Variants in RYR2 observed in about 807,000 individuals in gnomAD.
RYR2 encodes ryanodine receptor 2.
Under a neutral mutation model 601.1 loss-of-function variants are expected in RYR2, and 227 were observed. The ratio of observed to expected loss-of-function variants is 0.38; its 90% CI spans 0.34 to 0.42. RYR2 has a LOEUF of 0.42. Ranked by LOEUF, RYR2 falls within the 10% of genes least tolerant of loss-of-function variation. The pLI is 1.00. For synonymous variants in RYR2, 2,223 were observed against 2,175.1 expected (o/e 1.02, Z -0.61); for missense variants, 4,646 against 6,156.5 (o/e 0.75, Z 8.21).
chr1:237,564,434 T>G (rs1318016575), intron 27 of RYR2, among the ~76,000 whole-genome samples: 2 of 152,050 alleles, frequency 1.3e-5, no homozygotes, highest in Non-Finnish European at 2.9e-5. Flanking sequence ...CAGGCCCTGA[T>G]GATTTTTGTA....
chr1:237,123,104 G>A (rs1032690758), intron 1 of RYR2, among the ~76,000 whole-genome samples: 1 of 152,160 alleles, frequency 6.6e-6, no homozygotes, highest in Non-Finnish European at 1.5e-5. Context: ...GTCCTTGCTA[G>A]TACAGTGGCT....
chr1:237,335,922 CA>C lies in RYR2; in HGVS notation c.273+4943del, dbSNP rs1216318103. 7.2e-5 allele frequency among the ~76,000 whole-genome samples: 11 copies of C among 152,084 alleles called. No individual in the cohort carries two copies. In the East Asian group the frequency reaches 2.1e-3, roughly 29 times the overall value. On this transcript the variant is annotated intron_variant, in intron 3 of 104. Coordinates refer to ENST00000366574, the MANE Select transcript of RYR2 (RefSeq NM_001035.3). ...GTAATGTTATAAATATTGTGATGAGCAAATAATATTGAAATGAATATTAAAT... is the reference window on the plus strand; with the variant it reads ...GTAATGTTATAAATATTGTGATGAGCAATAATATTGAAATGAATATTAAAT...
At chr1:237,215,152 C>A (rs1260365823) in intron 1 of RYR2, among the ~76,000 whole-genome samples, 3 of 152,190 alleles carry the variant, frequency 2.0e-5, no homozygotes, top group South Asian at 2.1e-4. Context: ...CAGGGTAAAG[C>A]AACCTTGAAA....
intron 58 of RYR2, among the ~76,000 whole-genome samples, chr1:237,672,235 G>A (rs142676004): frequency 1.6e-3 from 244 of 152,246 alleles, no homozygotes; most frequent in African/African-American, 5.7e-3. Context: ...TGGGTACTTT[G>A]CATTCTTAGG....
intron 26 of RYR2, 128 bp downstream of exon 26, chr1:237,548,718 G>T (rs1670078886): frequency 8.8e-7 from 1 of 1,140,254 alleles, no homozygotes; most frequent in Non-Finnish European, 1.2e-6. Context: ...TGCACATTTG[G>T]ACTAAAACAG....
At chr1:237,660,740 GCAAAGCGTTA>G in intron 55 of RYR2, 60 bp from the exon 56 acceptor site, 4 of 1,357,180 alleles carry the variant, frequency 2.9e-6, no homozygotes, top group Non-Finnish European at 4.0e-6. Flanking sequence ...CTATTTTAGA[GCAAAGCGTTA>G]CTTAACATTT....
intron 1 of RYR2, among the ~76,000 whole-genome samples, chr1:237,188,175 A>C (rs957290501): frequency 6.6e-6 from 1 of 152,070 alleles, no homozygotes; most frequent in Non-Finnish European, 1.5e-5. Flanking sequence ...AGTATGTTAC[A>C]GCTGTAAATG....
chr1:237,108,731 A>G (rs1327506155), intron 1 of RYR2, among the ~76,000 whole-genome samples: 1 of 152,184 alleles, frequency 6.6e-6, no homozygotes, highest in Non-Finnish European at 1.5e-5. Flanking sequence ...TCTCTTTTAC[A>G]CACCCCAGGT....
At chr1:237,570,747 C>T (rs993549941) in intron 29 of RYR2, among the ~76,000 whole-genome samples, 2 of 152,092 alleles carry the variant, frequency 1.3e-5, no homozygotes, top group Admixed American at 6.6e-5. Flanking sequence ...GTGCAGGTAG[C>T]GAATATTTCT....
intron 1 of RYR2, among the ~76,000 whole-genome samples, chr1:237,130,824 A>G (rs182285716): frequency 1.2e-4 from 19 of 152,306 alleles, no homozygotes; most frequent in Non-Finnish European, 4.4e-5. Context: ...ATATGCCTCA[A>G]ATTATTTATA....
At chr1:237,562,869 A>T (rs967476781) in intron 27 of RYR2, among the ~76,000 whole-genome samples, 2 of 152,132 alleles carry the variant, frequency 1.3e-5, no homozygotes, top group African/African-American at 2.4e-5. Flanking sequence ...CTATATCCGG[A>T]GCCCGGAAGA....
In RYR2 at chr1:237,821,166, C is replaced by T. The variant is rs528306398; in HGVS notation, c.14590+1974C>T. 2.0e-5 allele frequency among the ~76,000 whole-genome samples: 3 copies of T among 152,244 alleles called. No homozygotes were observed. The South Asian group carries it at 6.2e-4, about 32-fold the overall frequency. ...GCAGCAGATCTCCCAGCACAGTGTT[C>T]GAGCTCTAATAAGGGAAAGACTGCC... On this transcript the variant is annotated intron_variant, in intron 101 of 104. Transcript: ENST00000366574.
chr1:237,732,439 C>G (rs1262048693), intron 78 of RYR2, among the ~76,000 whole-genome samples: 1 of 152,142 alleles, frequency 6.6e-6, no homozygotes, highest in Non-Finnish European at 1.5e-5. Context: ...CACAAACAAA[C>G]TTTATAAATA....
intron 1 of RYR2, among the ~76,000 whole-genome samples, chr1:237,238,175 G>T (rs1195849240): frequency 1.3e-5 from 2 of 152,002 alleles, no homozygotes; most frequent in East Asian, 3.9e-4. Flanking sequence ...TCACCATGTT[G>T]CCCAGGCTGG....
intron 2 of RYR2, among the ~76,000 whole-genome samples, chr1:237,272,563 A>G (rs1015226007): frequency 6.7e-6 from 1 of 148,682 alleles, no homozygotes; most frequent in Non-Finnish European, 1.5e-5. Context: ...TATAATTTAT[A>G]TATATTAGTG....
intron 87 of RYR2, among the ~76,000 whole-genome samples, chr1:237,777,213 C>T (rs1357082495): frequency 6.6e-6 from 1 of 152,148 alleles, no homozygotes; most frequent in African/African-American, 2.4e-5. Context: ...ATTTCAACCC[C>T]TTTGTATCCT....
intron 16 of RYR2, among the ~76,000 whole-genome samples, chr1:237,461,590 CTTGATA>C (rs925728185): frequency 2.6e-5 from 4 of 152,012 alleles, no homozygotes; most frequent in African/African-American, 9.7e-5. Context: ...GGAGAGAGAT[CTTGATA>C]TTATATTTTT....
intron 8 of RYR2, among the ~76,000 whole-genome samples, chr1:237,383,431 T>G (rs1701709377): frequency 1.1e-5 from 1 of 92,302 alleles, no homozygotes; most frequent in Non-Finnish European, 2.3e-5. Flanking sequence ...TTTTTTTTTT[T>G]TTTTTTTTTT....
At chr1:237,778,481 T>A (rs3766889) in intron 87 of RYR2, among the ~76,000 whole-genome samples, 185 bp from the exon 88 acceptor site, 1 of 152,050 alleles carries the variant, frequency 6.6e-6, no homozygotes, top group African/African-American at 2.4e-5. Flanking sequence ...GAGGAACGTA[T>A]TTCTCTCTTA....
Sources: gnomAD v4.1 joint callset for allele counts (sites outside exome capture counted in the v4.1 genomes callset) on GRCh38, gnomAD v4.1.1 for gene constraint, MANE v1.5 for transcripts, NCBI Gene and HGNC (gene_info 2026-07-23, HGNC 2026-07-21) for gene names.